Variants in MTX2 observed in about 807,000 individuals in gnomAD.
MTX2 encodes metaxin 2, also known as metaxin-2.
Under a neutral mutation model 42.3 loss-of-function variants are expected in MTX2, and 35 were observed. That is an observed-to-expected ratio of 0.83 (90% CI 0.63 to 1.10). MTX2 has a LOEUF of 1.10. MTX2 is among the 50% of genes least tolerant of loss of function. The pLI is 0.00. For missense variants in MTX2, 307 were observed against 304.1 expected, an observed-to-expected ratio of 1.01 and a Z score of -0.07; for synonymous variants, 119 against 100.9, an observed-to-expected ratio of 1.18 and a Z score of -1.08.
chr2:176,299,612 T>C (rs1012050289), intron 3 of MTX2, among the ~76,000 whole-genome samples: 8 of 152,132 alleles, frequency 5.3e-5, no homozygotes, highest in African/African-American at 1.9e-4. Context: ...ATTTCTTGGT[T>C]TTCTTCAATA....
chr2:176,314,785 G>A (rs1411781197), intron 3 of MTX2, among the ~76,000 whole-genome samples: 1 of 152,094 alleles, frequency 6.6e-6, no homozygotes, highest in African/African-American at 2.4e-5. Flanking sequence ...AGATTATACT[G>A]CTCTTATGGG....
chr2:176,308,959 C>G (rs1684223581), intron 3 of MTX2, among the ~76,000 whole-genome samples: 1 of 152,088 alleles, frequency 6.6e-6, no homozygotes, highest in African/African-American at 2.4e-5. Context: ...GCTCTTGCTT[C>G]TCTAGTTCTT....
chr2:176,282,541 G>C (rs1693104591), intron 1 of MTX2, among the ~76,000 whole-genome samples: 1 of 151,786 alleles, frequency 6.6e-6, no homozygotes, highest in African/African-American at 2.4e-5. Flanking sequence ...CTCCTTTTGT[G>C]AATTCTTTCC....
chr2:176,269,822 A>G (rs956799800), intron 1 of MTX2, among the ~76,000 whole-genome samples, 153 bp downstream of exon 1: 1 of 151,958 alleles, frequency 6.6e-6, no homozygotes, highest in African/African-American at 2.4e-5. Flanking sequence ...ACCTTATCTC[A>G]CATATGGGAA....
intron 3 of MTX2, among the ~76,000 whole-genome samples, chr2:176,323,093 G>A (rs576003258): frequency 6.6e-6 from 1 of 151,712 alleles, no homozygotes; most frequent in Non-Finnish European, 1.5e-5. Context: ...ATATAGTATT[G>A]CTGGTTTACA....
chr2:176,313,388 C>CTTTTTTTTTTTTTTTTTT (rs1207416607), intron 3 of MTX2, among the ~76,000 whole-genome samples: 1 of 103,510 alleles, frequency 9.7e-6, no homozygotes, highest in African/African-American at 3.9e-5. Context: ...TACACTGATT[C>CTTTTTTTTTTTTTTTTTT]TTTTTTTTTT....
At position 176,269,480 on chromosome 2, in the gene MTX2, C is replaced by T. The variant is rs920349994; in HGVS notation, c.-150C>T. ...CCTGGCGGTAACCTTGGGGGCCTCA[C>T]TGCAGCCGCCGCTGCTGTTGGAGTG... On this transcript the variant is annotated 5_prime_UTR_variant, in exon 1 of 10. Transcript: ENST00000249442. The T allele has an allele frequency of 1.5e-4, 131 of 877,878 alleles. No individual in the cohort carries two copies. In the South Asian group the frequency reaches 2.3e-3, roughly 16 times the overall value. The allele number at this position is 877,878 out of a possible 1,614,324, so 54.4% of individuals were successfully genotyped here.
intron 9 of MTX2, among the ~76,000 whole-genome samples, chr2:176,332,620 G>T (rs1684889360): frequency 6.6e-6 from 1 of 151,322 alleles, no homozygotes; most frequent in Non-Finnish European, 1.5e-5. Flanking sequence ...AAGGAAAAGG[G>T]TAGTTAAGGG....
At chr2:176,308,903 C>T (rs1684222410) in intron 3 of MTX2, among the ~76,000 whole-genome samples, 1 of 152,144 alleles carries the variant, frequency 6.6e-6, no homozygotes, top group Admixed American at 6.6e-5. Context: ...CAGATCCGCT[C>T]TGATCTTAGT....
intron 9 of MTX2, among the ~76,000 whole-genome samples, chr2:176,332,453 A>G (rs145799404): frequency 9.9e-5 from 15 of 151,418 alleles, no homozygotes; most frequent in African/African-American, 2.7e-4. Flanking sequence ...AAGTTACTCT[A>G]ATTTCTCTAT....
intron 7 of MTX2, 31 bp downstream of exon 7, chr2:176,328,943 A>C (rs1558944597): frequency 6.4e-7 from 1 of 1,573,780 alleles, no homozygotes; most frequent in Non-Finnish European, 8.7e-7. Flanking sequence ...TATCTTAATT[A>C]AAATTTAATG....
intron 1 of MTX2, among the ~76,000 whole-genome samples, chr2:176,270,887 A>G (rs1269129516): frequency 2.0e-5 from 3 of 152,150 alleles, no homozygotes; most frequent in African/African-American, 7.2e-5. Flanking sequence ...ATTTCAAGCA[A>G]TGATTATTTC....
chr2:176,336,646 G>A (rs539436610), intron 9 of MTX2, among the ~76,000 whole-genome samples: 1 of 152,198 alleles, frequency 6.6e-6, no homozygotes, highest in African/African-American at 2.4e-5. Context: ...AGTGAGAAAA[G>A]TAATGAATTA....
At chr2:176,310,154 T>G (rs1416827182) in intron 3 of MTX2, among the ~76,000 whole-genome samples, 1 of 152,090 alleles carries the variant, frequency 6.6e-6, no homozygotes, top group Non-Finnish European at 1.5e-5. Context: ...TTATTTCTCC[T>G]TCACTTATGA....
intron 1 of MTX2, among the ~76,000 whole-genome samples, chr2:176,284,178 C>T (rs977720667): frequency 6.6e-6 from 1 of 151,504 alleles, no homozygotes; most frequent in Admixed American, 6.6e-5. Context: ...CTTCTGGGCT[C>T]AAGGGATCCT....
At chr2:176,330,743 C>A in intron 9 of MTX2, 83 bp downstream of exon 9, 3 of 918,996 alleles carry the variant, frequency 3.3e-6, no homozygotes, top group Non-Finnish European at 5.0e-6. Flanking sequence ...ATTGCTTTTT[C>A]AAGAAAATAT....
chr2:176,295,094 CTG>C (rs1218496976), intron 1 of MTX2, among the ~76,000 whole-genome samples: 2 of 152,262 alleles, frequency 1.3e-5, no homozygotes, highest in Admixed American at 6.5e-5. Context: ...TTAACATCAA[CTG>C]TATGCAAATC....
At chr2:176,303,481 A>G (rs1256353739) in intron 3 of MTX2, among the ~76,000 whole-genome samples, 1 of 152,038 alleles carries the variant, frequency 6.6e-6, no homozygotes, top group Non-Finnish European at 1.5e-5. Flanking sequence ...CTTTGATATC[A>G]CTGAGTTTAA....
At position 176,269,568 on chromosome 2, in the gene MTX2, G is replaced by A; in HGVS notation, c.-62G>A. The A allele has an allele frequency of 6.6e-7, 1 of 1,522,354 alleles. No individual in the cohort carries two copies. Among genetic ancestry groups the A allele is most frequent in the East Asian group, 2.5e-5 (1 of 40,494 alleles). The allele number at this position is 1,522,354 out of a possible 1,614,324, so 94.3% of individuals were successfully genotyped here. ...TTAACTGCCGAGAGCCTCCGGGTTTGCGGTGGAGGACGCTGAGGCCCGTGG... is the reference window on the plus strand; with the variant it reads ...TTAACTGCCGAGAGCCTCCGGGTTTACGGTGGAGGACGCTGAGGCCCGTGG... On this transcript the variant is annotated 5_prime_UTR_variant, in exon 1 of 10. Transcript: ENST00000249442.
Sources: allele counts gnomAD v4.1 joint callset (sites outside exome capture counted in the v4.1 genomes callset), GRCh38; gene constraint gnomAD v4.1.1; transcripts MANE v1.5; gene names NCBI Gene and HGNC (gene_info 2026-07-23, HGNC 2026-07-21).